The following SUCLG2 variants were observed in gnomAD, a reference collection of about 807,000 sequenced individuals.
SUCLG2 encodes succinate--CoA ligase [GDP-forming] subunit beta, mitochondrial.
SUCLG2 carries 42 observed loss-of-function variants against 47.9 expected under a neutral mutation model. The observed-to-expected ratio is 0.88, with a 90% confidence interval of 0.69 to 1.14. The LOEUF (loss-of-function observed/expected upper bound fraction) is 1.14, where lower values mean the gene tolerates loss of function less well. Ranked by LOEUF, SUCLG2 falls within the 50% of genes most tolerant of loss-of-function variation. The probability of loss-of-function intolerance (pLI) is 0.00; values close to 1 mark genes in which losing one functional copy is unlikely to be tolerated. For synonymous variants in SUCLG2, 195 were observed against 197.3 expected, an observed-to-expected ratio of 0.99 and a Z score of 0.10; for missense variants, 571 against 525.9, an observed-to-expected ratio of 1.09 and a Z score of -0.84.
At chr3:67,604,777 T>C (rs914312868) in intron 2 of SUCLG2, among the ~76,000 whole-genome samples, 32 of 152,258 alleles carry the variant, frequency 2.1e-4, no homozygotes, top group African/African-American at 7.7e-4. Context: ...AAGAAAGAGA[T>C]CTGCGAGACA....
chr3:67,516,627 GTTTC>G (rs1705952115), intron 6 of SUCLG2, among the ~76,000 whole-genome samples: 1 of 152,162 alleles, frequency 6.6e-6, no homozygotes, highest in Non-Finnish European at 1.5e-5. Context: ...CATGACAAAT[GTTTC>G]TTGGGCAATA....
At chr3:67,567,345 G>C (rs981449401) in intron 2 of SUCLG2, among the ~76,000 whole-genome samples, 5 of 151,292 alleles carry the variant, frequency 3.3e-5, no homozygotes, top group African/African-American at 1.2e-4. Context: ...ACCCAGGATA[G>C]AGTACAGTGA....
intron 1 of SUCLG2, among the ~76,000 whole-genome samples, chr3:67,640,279 C>T (rs1364240156): frequency 6.6e-6 from 1 of 152,212 alleles, no homozygotes; most frequent in East Asian, 1.9e-4. Context: ...ACTGTTTCAA[C>T]AGCCATTTTG....
intron 9 of SUCLG2, among the ~76,000 whole-genome samples, chr3:67,484,943 G>C (rs1452356093): frequency 1.3e-5 from 2 of 152,152 alleles, no homozygotes; most frequent in African/African-American, 4.8e-5. Flanking sequence ...GAGGATTCTA[G>C]CAAGAAAGAG....
At chr3:67,426,371 A>G (rs1340052799) in intron 9 of SUCLG2, among the ~76,000 whole-genome samples, 1 of 152,170 alleles carries the variant, frequency 6.6e-6, no homozygotes, top group Non-Finnish European at 1.5e-5. Flanking sequence ...ATTACCCAAA[A>G]TGCTAATAAT....
chr3:67,495,613 C>T lies in SUCLG2; in HGVS notation c.1062+185G>A, dbSNP rs1705313115. On this transcript the variant is annotated intron_variant, in intron 9 of 10. Transcript: ENST00000307227. Reference sequence around the variant, plus strand: ...GTTGCAGTGAGCCAAGATCGCGCCACTGTACTCCAGCCTGGGCAACGGAGT... The same window carrying T: ...GTTGCAGTGAGCCAAGATCGCGCCATTGTACTCCAGCCTGGGCAACGGAGT... 2.7e-5 allele frequency among the ~76,000 whole-genome samples: 4 copies of T among 147,880 alleles called. No homozygotes were observed. In the Admixed American group the frequency reaches 2.8e-4, roughly 10 times the overall value.
intron 2 of SUCLG2, among the ~76,000 whole-genome samples, chr3:67,589,356 G>C (rs1018884949): frequency 6.6e-6 from 1 of 152,170 alleles, no homozygotes; most frequent in Admixed American, 6.5e-5. Context: ...GCTCCCAAGA[G>C]ATGCCTTACT....
At chr3:67,610,740 G>A (rs1361043129) in intron 1 of SUCLG2, among the ~76,000 whole-genome samples, 2 of 152,214 alleles carry the variant, frequency 1.3e-5, no homozygotes, top group African/African-American at 4.8e-5. Flanking sequence ...CCAAGGCAGT[G>A]TCACACAGAT....
chr3:67,425,090 T>C (rs933658611), intron 9 of SUCLG2, among the ~76,000 whole-genome samples: 2 of 152,206 alleles, frequency 1.3e-5, no homozygotes, highest in African/African-American at 2.4e-5. Context: ...CTTCTAGTTT[T>C]AAATTCAATG....
chr3:67,540,007 G>A (rs1706658012), intron 2 of SUCLG2, among the ~76,000 whole-genome samples: 1 of 151,552 alleles, frequency 6.6e-6, no homozygotes, highest in Non-Finnish European at 1.5e-5. Flanking sequence ...AAAAAAAACA[G>A]CTCCCGGATT....
At chr3:67,450,565 C>G (rs1336801313) in intron 9 of SUCLG2, among the ~76,000 whole-genome samples, 2 of 152,148 alleles carry the variant, frequency 1.3e-5, no homozygotes, top group Admixed American at 6.5e-5. Context: ...CAGTGAACAC[C>G]TATATGCCCA....
In SUCLG2 at chr3:67,418,454, AG is replaced by A. The variant is rs774178116; in HGVS notation, c.1063-17604del. 3.3e-5 allele frequency among the ~76,000 whole-genome samples: 5 copies of A among 152,186 alleles called. 1 individual carries two copies. The highest frequency in any genetic ancestry group is 4.4e-5 in the Non-Finnish European group (3 of 68,032). ...AATGGCTAGACAAGGATTTGAACAC[AG>A]GTTTATCTAATGACAAGAGCTTTAA... is the stretch of plus-strand genomic sequence containing the variant. On this transcript the variant is annotated intron_variant, in intron 9 of 10. Transcript: ENST00000307227.
At chr3:67,377,827 T>C (rs1229602657) in intron 10 of SUCLG2, among the ~76,000 whole-genome samples, 2 of 152,188 alleles carry the variant, frequency 1.3e-5, no homozygotes, top group Non-Finnish European at 2.9e-5. Flanking sequence ...CTATTTTTTG[T>C]ATTTTTTGTA....
chr3:67,422,649 G>A (rs896305371), intron 9 of SUCLG2, among the ~76,000 whole-genome samples: 3 of 151,930 alleles, frequency 2.0e-5, no homozygotes, highest in Admixed American at 1.3e-4. Context: ...TGTTGAGAAT[G>A]AGAAAGAGAT....
chr3:67,556,889 A>G (rs1707177205), intron 2 of SUCLG2, among the ~76,000 whole-genome samples: 1 of 152,224 alleles, frequency 6.6e-6, no homozygotes, highest in Admixed American at 6.5e-5. Context: ...CAGGAATAGA[A>G]GAATGGAAAT....
intron 2 of SUCLG2, among the ~76,000 whole-genome samples, chr3:67,602,888 G>C (rs568400910): frequency 6.6e-6 from 1 of 152,186 alleles, no homozygotes; most frequent in South Asian, 2.1e-4. Context: ...ACTAAATTAC[G>C]AAAAAGAAAT....
intron 9 of SUCLG2, among the ~76,000 whole-genome samples, chr3:67,405,430 A>C (rs1007882269): frequency 6.6e-6 from 1 of 152,052 alleles, no homozygotes; most frequent in African/African-American, 2.4e-5. Flanking sequence ...TCAATACTAA[A>C]CCTCTTCTTT....
chr3:67,550,950 C>G (rs1353171058), intron 2 of SUCLG2, among the ~76,000 whole-genome samples: 1 of 152,134 alleles, frequency 6.6e-6, no homozygotes, highest in Admixed American at 6.5e-5. Flanking sequence ...ATACTTAACA[C>G]AATACTTGGT....
intron 9 of SUCLG2, among the ~76,000 whole-genome samples, chr3:67,477,817 A>G: frequency 6.6e-6 from 1 of 152,248 alleles, no homozygotes; most frequent in East Asian, 1.9e-4. Flanking sequence ...AAAGAGCAGC[A>G]GAAATATGGT....
Sources: gnomAD v4.1 joint callset for allele counts (sites outside exome capture counted in the v4.1 genomes callset) on GRCh38, gnomAD v4.1.1 for gene constraint, MANE v1.5 for transcripts, NCBI Gene and HGNC (gene_info 2026-07-23, HGNC 2026-07-21) for gene names.